ADAMTS3: variants seen among roughly 807,000 people sequenced by gnomAD.
ADAMTS3 encodes A disintegrin and metalloproteinase with thrombospondin motifs 3.
Under a neutral mutation model 129.0 loss-of-function variants are expected in ADAMTS3, and 73 were observed. The ratio of observed to expected loss-of-function variants is 0.57; its 90% CI spans 0.47 to 0.69. The LOEUF (loss-of-function observed/expected upper bound fraction) is 0.69. Ranked by LOEUF, ADAMTS3 falls within the 30% of genes least tolerant of loss-of-function variation. The pLI, the probability that ADAMTS3 is intolerant of heterozygous loss-of-function variation, is 0.00. For synonymous variants in ADAMTS3, 477 were observed against 510.8 expected (o/e 0.93, Z 0.89); for missense variants, 1,457 against 1,514.5 (o/e 0.96, Z 0.63).
intron 4 of ADAMTS3, among the ~76,000 whole-genome samples, chr4:72,382,131 C>A (rs759822010): frequency 1.3e-5 from 2 of 152,204 alleles, no homozygotes; most frequent in African/African-American, 4.8e-5. Context: ...TAACTTGTCA[C>A]GTAAGGACCC....
intron 3 of ADAMTS3, among the ~76,000 whole-genome samples, chr4:72,417,594 C>T (rs1578661594): frequency 6.6e-6 from 1 of 152,028 alleles, no homozygotes; most frequent in Non-Finnish European, 1.5e-5. Context: ...ATCTGAAAGT[C>T]GGCCCTTTTA....
chr4:72,509,327 C>T (rs1035927872), intron 3 of ADAMTS3, among the ~76,000 whole-genome samples: 5 of 150,442 alleles, frequency 3.3e-5, no homozygotes, highest in Admixed American at 6.6e-5. Flanking sequence ...AAAAGATCAA[C>T]GAAACAAAAA....
chr4:72,414,889 C>G lies in ADAMTS3; in HGVS notation c.587G>C (p.Arg196Thr). 6.3e-7 allele frequency: 1 copy of G among 1,584,710 alleles called. No individual in the cohort carries two copies. ...TGATCTCTTGTAGACAACATGAATCCTTCCTTTTTCTTCCTCCATCTGTTT... is the reference window on the plus strand; with the variant it reads ...TGATCTCTTGTAGACAACATGAATCGTTCCTTTTTCTTCCTCCATCTGTTT... ...RGKQMEEEKG[R>T]IHVVYKRSAV... is the part of the protein sequence containing the mutation. Residue 196 changes from arginine to threonine, a missense_variant, in exon 4 of 22, where the codon AGG (arginine) becomes ACG (threonine). Physicochemically the swap from Arg to Thr is moderately conservative, Grantham distance 71. Coordinates refer to ENST00000286657, the MANE Select transcript of ADAMTS3 (RefSeq NM_014243.3).
chr4:72,524,221 A>G (rs910938724), intron 3 of ADAMTS3, among the ~76,000 whole-genome samples: 1 of 152,116 alleles, frequency 6.6e-6, no homozygotes, highest in Admixed American at 6.6e-5. Flanking sequence ...AGACAAAGAG[A>G]AGAATTATGG....
In ADAMTS3 at chr4:72,430,535, G is replaced by A. The variant is rs768891719; in HGVS notation, c.505-15564C>T. ...CCCAGTCAGTTGAGCATTCCCAGGCGAGGAACCCAGACTTTCTGAAGCAAA... is the reference window on the plus strand; with the variant it reads ...CCCAGTCAGTTGAGCATTCCCAGGCAAGGAACCCAGACTTTCTGAAGCAAA... On this transcript the variant is annotated intron_variant, in intron 3 of 21. Transcript: ENST00000286657. 3.3e-5 allele frequency among the ~76,000 whole-genome samples: 5 copies of A among 152,064 alleles called. No homozygotes were observed. In the East Asian group the frequency reaches 5.8e-4, roughly 18 times the overall value.
chr4:72,398,338 C>A (rs1174392846), intron 4 of ADAMTS3, among the ~76,000 whole-genome samples: 1 of 152,054 alleles, frequency 6.6e-6, no homozygotes, highest in Non-Finnish European at 1.5e-5. Context: ...AGGTGGATCA[C>A]CTGAGGTCAG....
chr4:72,336,608 T>C (rs558307658), intron 5 of ADAMTS3, among the ~76,000 whole-genome samples: 1 of 152,346 alleles, frequency 6.6e-6, no homozygotes, highest in East Asian at 1.9e-4. Context: ...TTAAGTCTTC[T>C]GTCTGTCTTG....
intron 11 of ADAMTS3, among the ~76,000 whole-genome samples, chr4:72,314,410 G>C (rs902221407): frequency 6.6e-6 from 1 of 151,972 alleles, no homozygotes; most frequent in Non-Finnish European, 1.5e-5. Flanking sequence ...GTAGTTGAAG[G>C]CCATCTGACC....
At chr4:72,516,764 C>T (rs367791984) in intron 3 of ADAMTS3, among the ~76,000 whole-genome samples, 4 of 151,960 alleles carry the variant, frequency 2.6e-5, no homozygotes, top group Middle Eastern at 3.2e-3. Context: ...TCTAGATATA[C>T]AATCATGTCA....
At chr4:72,359,663 A>G (rs1270839676) in intron 4 of ADAMTS3, among the ~76,000 whole-genome samples, 1 of 152,002 alleles carries the variant, frequency 6.6e-6, no homozygotes, top group East Asian at 1.9e-4. Flanking sequence ...TTGGTTTAAT[A>G]ACATTTTTGA....
At chr4:72,557,599 G>A (rs964618986) in intron 2 of ADAMTS3, among the ~76,000 whole-genome samples, 1 of 151,662 alleles carries the variant, frequency 6.6e-6, no homozygotes, top group Non-Finnish European at 1.5e-5. Context: ...AAGAAAGAAT[G>A]AATAGTTGTG....
Position 72,317,566 on chromosome 4 carries a change from T to A in ADAMTS3, c.1485+1006A>T, listed in dbSNP as rs1298343295. On this transcript the variant is annotated intron_variant, in intron 10 of 21. Transcript: ENST00000286657. ...TAGTTACAGGCAAGACTGGCTTTAA[T>A]GGATTCCATTTAACATATATACGTG... 2.6e-5 allele frequency among the ~76,000 whole-genome samples: 4 copies of A among 152,088 alleles called. No individual in the cohort carries two copies. In the East Asian group the frequency reaches 5.8e-4, roughly 22 times the overall value.
intron 4 of ADAMTS3, among the ~76,000 whole-genome samples, chr4:72,358,828 A>C (rs1248561078): frequency 6.6e-6 from 1 of 151,950 alleles, no homozygotes; most frequent in East Asian, 1.9e-4. Context: ...GGAGACATCT[A>C]AGTCTCTTAT....
chr4:72,489,989 A>G (rs1719698318), intron 3 of ADAMTS3, among the ~76,000 whole-genome samples: 1 of 151,872 alleles, frequency 6.6e-6, no homozygotes, highest in African/African-American at 2.4e-5. Context: ...TCAGTAGTGT[A>G]CAGACATTCC....
rs747489059 is a variant in ADAMTS3, at chr4:72,568,759, C to T, written c.4G>A (p.Val2Ile). Residue 2 changes from valine (V) to isoleucine (I), a missense_variant, in exon 1 of 22, where the codon GTT becomes ATT. Transcript: ENST00000286657. ...GCTATCAACCAAAGTGACAGGAGAA[C>T]CATCACGAGTCGAGTTCACTTTCCA... M[V>I]LLSLWLIAAA... 1 of 1,613,608 alleles carries T rather than the reference C, an allele frequency of 6.2e-7. No homozygotes were observed. Among genetic ancestry groups the T allele is most frequent in the East Asian group, 2.2e-5 (1 of 44,826 alleles).
At chr4:72,377,490 G>A (rs1337943947) in intron 4 of ADAMTS3, among the ~76,000 whole-genome samples, 1 of 152,186 alleles carries the variant, frequency 6.6e-6, no homozygotes, top group East Asian at 1.9e-4. Flanking sequence ...AACCTGCTCT[G>A]AAAAATCAGT....
At position 72,315,843 on chromosome 4, in the gene ADAMTS3, AATAG is replaced by A. The variant is rs1486007887; in HGVS notation, c.1599+11_1599+14del. ...ACATATCTTACATATTTATTGTGTA[AATAG>A]ATATACTCACTTTTCCAGCAGCACA... On this transcript the variant is annotated intron_variant, in intron 11 of 21. Coordinates refer to ENST00000286657, the MANE Select transcript of ADAMTS3 (RefSeq NM_014243.3). The A allele has an allele frequency of 6.7e-7, 1 of 1,492,386 alleles. No homozygotes were observed. The highest frequency in any genetic ancestry group is 1.4e-5 in the African/African-American group (1 of 71,990). The allele number at this position is 1,492,386 out of a possible 1,614,324, so 92.4% of individuals were successfully genotyped here.
chr4:72,305,237 T>A (rs935588012), intron 16 of ADAMTS3, among the ~76,000 whole-genome samples: 1 of 151,894 alleles, frequency 6.6e-6, no homozygotes, highest in Non-Finnish European at 1.5e-5. Context: ...GAAAAAAAAA[T>A]CTTCTTGTGG....
At chr4:72,545,423 A>C (rs72656070) in intron 3 of ADAMTS3, among the ~76,000 whole-genome samples, 197 of 152,270 alleles carry the variant, frequency 1.3e-3, no homozygotes, top group Non-Finnish European at 2.5e-3. Context: ...TGCTTGACCA[A>C]ACCTCAGGAA....
Sources: gnomAD v4.1 joint callset for allele counts (sites outside exome capture counted in the v4.1 genomes callset) on GRCh38, gnomAD v4.1.1 for gene constraint, MANE v1.5 for transcripts, NCBI Gene and HGNC (gene_info 2026-07-23, HGNC 2026-07-21) for gene names.